Variants in MYZAP observed in about 807,000 individuals in gnomAD.
The protein encoded by MYZAP is GRINL1A complex locus upstream.
Under a neutral mutation model 69.4 loss-of-function variants are expected in MYZAP, and 66 were observed. The ratio of observed to expected loss-of-function variants is 0.95; its 90% CI spans 0.78 to 1.17. MYZAP has a LOEUF of 1.17. Among genes scored for constraint, MYZAP ranks in the 50% most tolerant of loss-of-function variants. The probability of loss-of-function intolerance (pLI) is 0.00; values close to 1 mark genes in which losing one functional copy is unlikely to be tolerated. For missense variants in MYZAP, 611 were observed against 556.2 expected, an observed-to-expected ratio of 1.10 and a Z score of -0.99; for synonymous variants, 256 against 205.9, an observed-to-expected ratio of 1.24 and a Z score of -2.09.
At chr15:57,684,107 A>G (rs540065772) in intron 12 of MYZAP, among the ~76,000 whole-genome samples, 2 of 133,546 alleles carry the variant, frequency 1.5e-5, no homozygotes, top group East Asian at 5.0e-4. Context: ...GGCCTCTCTC[A>G]TAAGGCCACT....
rs1451288068 is a variant in MYZAP, at chr15:57,685,143, CCAGCTG to C, written c.*646_*651del. On this transcript the variant is annotated 3_prime_UTR_variant, in exon 13 of 13. Coordinates refer to ENST00000267853, the MANE Select transcript of MYZAP (RefSeq NM_001018100.5). Reference sequence around the variant, plus strand: ...ATTTGTGCCTTATGCTTTCATTGGACCAGCTGAAATCACTGTATTTATTCAACTAGT... The same window carrying C: ...ATTTGTGCCTTATGCTTTCATTGGACAAATCACTGTATTTATTCAACTAGT... 7 of 152,090 alleles carry C rather than the reference CCAGCTG, an allele frequency of 4.6e-5. No homozygotes were observed. Among genetic ancestry groups the C allele is most frequent in the African/African-American group, 1.7e-4 (7 of 41,396 alleles). 9.4% of individuals were successfully genotyped at this position (152,090 alleles called of 1,614,324 possible).
chr15:57,656,487 C>T (rs2038016195), intron 10 of MYZAP, among the ~76,000 whole-genome samples: 1 of 152,138 alleles, frequency 6.6e-6, no homozygotes, highest in Non-Finnish European at 1.5e-5. Context: ...CAATACCAGC[C>T]ACACAAGTGT....
At chr15:57,604,203 G>A in intron 1 of MYZAP, 66 bp from the exon 2 acceptor site, 1 of 1,552,336 alleles carries the variant, frequency 6.4e-7, no homozygotes, top group Non-Finnish European at 8.8e-7. Flanking sequence ...AGAAGCCCAA[G>A]GTCATCTGGC....
chr15:57,641,737 C>G (rs747216775), intron 10 of MYZAP, among the ~76,000 whole-genome samples: 1 of 152,156 alleles, frequency 6.6e-6, no homozygotes, highest in Non-Finnish European at 1.5e-5. Flanking sequence ...GCCCAGCATA[C>G]TACATTAACT....
chr15:57,593,188 G>GCATGCGCGCGCGCACACACACACA lies in MYZAP; in HGVS notation c.75+1081_75+1082insTGCGCGCGCGCACACACACACACA. 4.7e-4 allele frequency among the ~76,000 whole-genome samples: 54 copies of GCATGCGCGCGCGCACACACACACA among 114,202 alleles called. 1 individual carries two copies. The highest frequency in any genetic ancestry group is 3.5e-3 in the South Asian group (10 of 2,898). 74.9% of individuals were successfully genotyped at this position (114,202 alleles called of 152,430 possible). ...AGACACTTAGGTTGTGTACACAGGC[G>GCATGCGCGCGCGCACACACACACA]CACACACACACACACACACACACAC... On this transcript the variant is annotated intron_variant, in intron 1 of 12. Coordinates refer to ENST00000267853, the MANE Select transcript of MYZAP (RefSeq NM_001018100.5).
chr15:57,639,214 A>ATTT (rs5812905), intron 9 of MYZAP, among the ~76,000 whole-genome samples: 3 of 145,456 alleles, frequency 2.1e-5, no homozygotes, highest in African/African-American at 5.0e-5. Context: ...TTATTTATTT[A>ATTT]TTTTTTTTTT....
chr15:57,596,710 C>A (rs114341274), intron 1 of MYZAP, among the ~76,000 whole-genome samples: 1 of 152,206 alleles, frequency 6.6e-6, no homozygotes, highest in East Asian at 1.9e-4. Flanking sequence ...TTGGCCCGTG[C>A]CTGTGCTGTT....
At chr15:57,632,792 A>G (rs1320754546) in intron 7 of MYZAP, among the ~76,000 whole-genome samples, 2 of 151,922 alleles carry the variant, frequency 1.3e-5, no homozygotes, top group African/African-American at 4.8e-5. Flanking sequence ...CTAAATACAC[A>G]CCTTTTTCTA....
At chr15:57,620,364 T>C (rs139629015) in intron 3 of MYZAP, among the ~76,000 whole-genome samples, 1 of 152,294 alleles carries the variant, frequency 6.6e-6, no homozygotes, top group East Asian at 1.9e-4. Flanking sequence ...ACCAAACTGC[T>C]ATCTTTAGGC....
chr15:57,591,940 C>T lies in MYZAP; in HGVS notation c.-95C>T, dbSNP rs376140185. On this transcript the variant is annotated 5_prime_UTR_variant, in exon 1 of 13. Transcript: ENST00000267853. ...AGCTGAGGCTGCAAGTAGCCGGCGCCGTCCCGCGTCGCCCCCGCGCAGGGC... is the reference window on the plus strand; with the variant it reads ...AGCTGAGGCTGCAAGTAGCCGGCGCTGTCCCGCGTCGCCCCCGCGCAGGGC... 3.0e-4 allele frequency: 353 copies of T among 1,160,578 alleles called. No homozygotes were observed. Among genetic ancestry groups the T allele is most frequent in the Non-Finnish European group, 3.5e-4 (326 of 924,102 alleles). 71.9% of individuals were successfully genotyped at this position (1,160,578 alleles called of 1,614,324 possible).
chr15:57,599,708 G>C lies in MYZAP; in HGVS notation c.76-4561G>C, dbSNP rs759540266. On this transcript the variant is annotated intron_variant, in intron 1 of 12. Coordinates refer to ENST00000267853, the MANE Select transcript of MYZAP (RefSeq NM_001018100.5). ...AGCCTCGTAAAATGCTCGGAGGTAA[G>C]GAATGCTGCCTTGATGTTACTCGGG... 37 of 1,288,804 alleles carry C rather than the reference G, an allele frequency of 2.9e-5. 1 individual carries two copies. The South Asian group carries it at 4.6e-4, about 16-fold the overall frequency. The allele number at this position is 1,288,804 out of a possible 1,614,324, so 79.8% of individuals were successfully genotyped here. A position where few individuals can be genotyped will look rare whatever the true frequency, so the allele number is the denominator to read the frequency against.
At chr15:57,682,746 C>T (rs150081128) in intron 12 of MYZAP, among the ~76,000 whole-genome samples, 4 of 152,294 alleles carry the variant, frequency 2.6e-5, no homozygotes, top group African/African-American at 9.6e-5. Flanking sequence ...TTGTTCCAGT[C>T]GTTCCAAAGG....
At chr15:57,598,659 G>A (rs1428608839) in intron 1 of MYZAP, among the ~76,000 whole-genome samples, 1 of 152,208 alleles carries the variant, frequency 6.6e-6, no homozygotes, top group Non-Finnish European at 1.5e-5. Context: ...AGATTTGAAT[G>A]ACTCCTCATT....
At chr15:57,666,135 T>C (rs1400785847) in intron 11 of MYZAP, among the ~76,000 whole-genome samples, 2 of 152,246 alleles carry the variant, frequency 1.3e-5, no homozygotes, top group Non-Finnish European at 2.9e-5. Context: ...CTGACTCACA[T>C]TCTGCCATTA....
At chr15:57,598,410 A>C (rs2034201223) in intron 1 of MYZAP, among the ~76,000 whole-genome samples, 1 of 152,216 alleles carries the variant, frequency 6.6e-6, no homozygotes, top group Non-Finnish European at 1.5e-5. Context: ...ACTTTGTTTT[A>C]GTTCAACCTA....
intron 10 of MYZAP, among the ~76,000 whole-genome samples, chr15:57,653,084 A>G (rs1860898942): frequency 6.6e-6 from 1 of 152,126 alleles, no homozygotes; most frequent in South Asian, 2.1e-4. Context: ...CACGAGAAGG[A>G]ATAACAAAGC....
At chr15:57,662,210 A>G (rs1249972091) in intron 11 of MYZAP, among the ~76,000 whole-genome samples, 1 of 152,202 alleles carries the variant, frequency 6.6e-6, no homozygotes, top group African/African-American at 2.4e-5. Flanking sequence ...GTCAAAATCT[A>G]TTTGCTCTAA....
At chr15:57,622,663 G>A (rs574840460) in intron 4 of MYZAP, among the ~76,000 whole-genome samples, 2 of 152,256 alleles carry the variant, frequency 1.3e-5, no homozygotes, top group Admixed American at 6.5e-5. Context: ...GTGCTATTGG[G>A]AAAACTTATG....
rs527654210 is a variant in MYZAP at position 57,641,751 on chromosome 15, A to G, written c.1119+2206A>G. Among the ~76,000 whole-genome samples the G allele has an allele frequency of 2.1e-4, 32 of 152,374 alleles. 1 individual carries two copies. Among genetic ancestry groups the G allele is most frequent in the Non-Finnish European group, 4.4e-5 (3 of 68,044 alleles). ...TGCCCAGCATACTACATTAACTTACATAAGAAAAAAAGGATAGCCTAGAAT... is the reference window on the plus strand; with the variant it reads ...TGCCCAGCATACTACATTAACTTACGTAAGAAAAAAAGGATAGCCTAGAAT... On this transcript the variant is annotated intron_variant, in intron 10 of 12. Transcript: ENST00000267853.
Sources: gnomAD v4.1 joint callset for allele counts (sites outside exome capture counted in the v4.1 genomes callset) on GRCh38, gnomAD v4.1.1 for gene constraint, MANE v1.5 for transcripts, NCBI Gene and HGNC (gene_info 2026-07-23, HGNC 2026-07-21) for gene names.